The following CFAP46 variants were observed in gnomAD, a reference collection of about 807,000 sequenced individuals.
The protein encoded by CFAP46 is cilia and flagella associated protein 46.
CFAP46 carries 245 observed loss-of-function variants against 325.7 expected under a neutral mutation model. The observed-to-expected ratio is 0.75, with a 90% confidence interval of 0.68 to 0.84. The LOEUF is 0.84. Ranked by LOEUF, CFAP46 falls within the 40% of genes least tolerant of loss-of-function variation. CFAP46 has a pLI of 0.00. For synonymous variants in CFAP46, 1,523 were observed against 1,495.9 expected, an observed-to-expected ratio of 1.02 and a Z score of -0.42; for missense variants, 3,346 against 3,543.0, an observed-to-expected ratio of 0.94 and a Z score of 1.41.
chr10:132,900,316 G>A (rs1404540290), intron 22 of CFAP46, among the ~76,000 whole-genome samples: 1 of 152,214 alleles, frequency 6.6e-6, no homozygotes, highest in Non-Finnish European at 1.5e-5. Flanking sequence ...GTCAACAGCA[G>A]CATCAGCTCC....
intron 39 of CFAP46, among the ~76,000 whole-genome samples, chr10:132,855,456 T>G (rs1000415515): frequency 1.3e-5 from 2 of 152,132 alleles, no homozygotes; most frequent in African/African-American, 2.4e-5. Flanking sequence ...CATAGTTGGG[T>G]TTTGCTTTTT....
At chr10:132,906,527 TGAG>T (rs1849458861) in intron 22 of CFAP46, among the ~76,000 whole-genome samples, 1 of 117,796 alleles carries the variant, frequency 8.5e-6, no homozygotes, top group Admixed American at 9.2e-5. Context: ...TCCTGGGCAC[TGAG>T]AAGAGTGAAC....
chr10:132,899,572 G>A lies in CFAP46; in HGVS notation c.3019C>T (p.Arg1007Ter), dbSNP rs762499821. The change falls in exon 23 of 58, where the codon CGA becomes TGA. Residue 1007 changes from arginine to a stop codon, truncating the protein, a stop_gained. Coordinates refer to ENST00000368586, the MANE Select transcript of CFAP46 (RefSeq NM_001200049.3). LOFTEE classifies it high-confidence loss of function. Reference sequence around the variant, plus strand: ...GTGAAGGCCTTGGCTGCCACCAGTCGCAGCTGCTTCCGGCCCTTCAGGTTT... The same window carrying A: ...GTGAAGGCCTTGGCTGCCACCAGTCACAGCTGCTTCCGGCCCTTCAGGTTT... ...MENLKGRKQL[R>*]LVAAKAFTES... 1.0e-4 allele frequency: 156 copies of A among 1,549,564 alleles called. 1 individual carries two copies. Among genetic ancestry groups the A allele is most frequent in the Admixed American group, 8.4e-4 (43 of 50,988 alleles).
intron 50 of CFAP46, among the ~76,000 whole-genome samples, chr10:132,815,820 G>C (rs1271094859): frequency 1.3e-5 from 2 of 152,166 alleles, no homozygotes; most frequent in Non-Finnish European, 2.9e-5. Context: ...GCTGAACTGA[G>C]TGATGGCAGC....
intron 8 of CFAP46, among the ~76,000 whole-genome samples, chr10:132,932,516 T>C (rs1849927619): frequency 8.8e-6 from 1 of 113,662 alleles, no homozygotes; most frequent in Non-Finnish European, 1.8e-5. Context: ...TTCCCAACAC[T>C]CCTGACACAG....
chr10:132,909,305 C>T (rs1305200914), intron 20 of CFAP46, 61 bp from the exon 21 acceptor site: 22 of 1,189,564 alleles, frequency 1.8e-5, no homozygotes, highest in Middle Eastern at 1.9e-4. Flanking sequence ...CTGGAATATG[C>T]GTGAATTTAA....
At position 132,939,028 on chromosome 10, in the gene CFAP46, G is replaced by A. The variant is rs965231121; in HGVS notation, c.372-275C>T. Among the ~76,000 whole-genome samples the A allele has an allele frequency of 4.6e-5, 7 of 152,160 alleles. No homozygotes were observed. The highest frequency in any genetic ancestry group is 2.0e-4 in the Admixed American group (3 of 15,276). On this transcript the variant is annotated intron_variant, in intron 4 of 57. Transcript: ENST00000368586. The surrounding 1 kb of genome is among the most constrained non-coding windows in gnomAD (Gnocchi z 4.6). ...TGTGATGACCCGGCCACAGGCTCCCGAGTCCAGACCAGGGCCTTCTTCATC... is the reference window on the plus strand; with the variant it reads ...TGTGATGACCCGGCCACAGGCTCCCAAGTCCAGACCAGGGCCTTCTTCATC...
At chr10:132,913,950 C>T (rs915181054) in intron 17 of CFAP46, among the ~76,000 whole-genome samples, 17 of 152,182 alleles carry the variant, frequency 1.1e-4, no homozygotes, top group Admixed American at 2.0e-4. Flanking sequence ...TCCAACAGCC[C>T]CTGGCTGGTT....
chr10:132,872,932 T>C (rs1848913540), intron 31 of CFAP46, 108 bp from the exon 32 acceptor site: 5 of 1,278,370 alleles, frequency 3.9e-6, no homozygotes, highest in Non-Finnish European at 5.4e-6. Context: ...AGCACATGTC[T>C]GCACACAGCA....
rs1432905077 is a variant in CFAP46 at position 132,846,973 on chromosome 10, G to C, written c.6226C>G (p.Leu2076Val). 3.1e-6 allele frequency: 5 copies of C among 1,610,966 alleles called. No homozygotes were observed. The highest frequency in any genetic ancestry group is 2.2e-5 in the East Asian group (1 of 44,848). ...SLEMVECVGT[L>V]DPATTCQFLA... ...AACTGGCAGGTAGTTGCAGGGTCCA[G>C]GGTGCCGACACACTCCACCATCTCC... Residue 2076 changes from leucine (L) to valine (V), a missense_variant, in exon 43 of 58, where the codon CTG (leucine) becomes GTG (valine). Transcript: ENST00000368586.
chr10:132,823,073 CTGTG>C (rs201683309), intron 50 of CFAP46, among the ~76,000 whole-genome samples: 1 of 112,910 alleles, frequency 8.9e-6, no homozygotes, highest in Non-Finnish European at 1.7e-5. Context: ...CTGATGTGTG[CTGTG>C]TGTGCTGATG....
At chr10:132,863,881 CCT>C (rs1404897335) in intron 35 of CFAP46, among the ~76,000 whole-genome samples, 18 of 139,746 alleles carry the variant, frequency 1.3e-4, no homozygotes, top group East Asian at 4.6e-4. Flanking sequence ...CACCTGTCCC[CCT>C]GAGACCTGCA....
At chr10:132,818,996 A>C (rs1847747401) in intron 50 of CFAP46, among the ~76,000 whole-genome samples, 1 of 147,256 alleles carries the variant, frequency 6.8e-6, no homozygotes, top group African/African-American at 2.5e-5. Context: ...CTAATAAATT[A>C]AGTAAAGTTG....
chr10:132,835,132 C>G lies in CFAP46; in HGVS notation c.6744+172G>C, dbSNP rs7099254. ...GAGCCCAAGGAGCAAGTTCTCCCCC[C>G]ACATGGAGCTTGGCCTGGGAGTTGG... On this transcript the variant is annotated intron_variant, in intron 47 of 57. Coordinates refer to ENST00000368586, the MANE Select transcript of CFAP46 (RefSeq NM_001200049.3). Among the ~76,000 whole-genome samples, 95 of 152,362 alleles carry G rather than the reference C, an allele frequency of 6.2e-4. 1 individual carries two copies. Among genetic ancestry groups the G allele is most frequent in the African/African-American group, 2.0e-3 (85 of 41,594 alleles).
intron 31 of CFAP46, among the ~76,000 whole-genome samples, chr10:132,874,392 T>G: frequency 1.1e-5 from 1 of 92,574 alleles, no homozygotes. Flanking sequence ...AAAGCATTCA[T>G]GACTAAAATT....
chr10:132,860,874 G>A lies in CFAP46; in HGVS notation c.4999C>T (p.His1667Tyr), dbSNP rs1848712050. 1.9e-6 allele frequency: 3 copies of A among 1,550,878 alleles called. No homozygotes were observed. In the African/African-American group the frequency reaches 4.1e-5, roughly 21 times the overall value. The part of the protein sequence containing the change: ...QAKKMIAQAQ[H>Y]LGGSEEFWYN... ...CAGAACTCCTCACTTCCGCCCAGGT[G>A]CTGGGCCTGTGCGATCATTTTCTTG... Residue 1667 changes from histidine to tyrosine, a missense_variant, in exon 36 of 58, where the codon CAC becomes TAC. Transcript: ENST00000368586.
At position 132,810,976 on chromosome 10, in the gene CFAP46, C is replaced by T; in HGVS notation, c.7557G>A (p.Arg2519=). Residue 2519 remains arginine, a synonymous_variant, in exon 56 of 58, where the codon AGG becomes AGA. Coordinates refer to ENST00000368586, the MANE Select transcript of CFAP46 (RefSeq NM_001200049.3). ...TCCTGTGCTCCACGCTCTCCATGTG[C>T]CTCTTCAAGCTCTGGTAGGACCGCG... ...DLARSYQSLK[R]HMESVEHRRS... is the part of the protein sequence containing the mutation. The T allele has an allele frequency of 6.2e-7, 1 of 1,607,188 alleles. No individual in the cohort carries two copies. Among genetic ancestry groups the T allele is most frequent in the Non-Finnish European group, 8.5e-7 (1 of 1,176,964 alleles).
intron 50 of CFAP46, among the ~76,000 whole-genome samples, chr10:132,823,273 A>G (rs1485606774): frequency 2.7e-5 from 2 of 73,410 alleles, no homozygotes; most frequent in African/African-American, 5.8e-5. Context: ...GTGAGTGCTG[A>G]TGTGTGCTGT....
intron 54 of CFAP46, among the ~76,000 whole-genome samples, chr10:132,813,109 G>A (rs975092591): frequency 2.0e-5 from 3 of 152,268 alleles, no homozygotes; most frequent in Admixed American, 6.5e-5. Flanking sequence ...GGGGACCCAC[G>A]GTGAGCATGG....
Sources: allele counts gnomAD v4.1 joint callset (sites outside exome capture counted in the v4.1 genomes callset), GRCh38; gene constraint gnomAD v4.1.1; non-coding constraint Gnocchi (gnomAD v3.1); transcripts MANE v1.5; gene names NCBI Gene and HGNC (gene_info 2026-07-23, HGNC 2026-07-21).